The following PTPRE variants were observed in gnomAD, a reference collection of about 807,000 sequenced individuals.
PTPRE encodes the protein protein tyrosine phosphatase receptor type E, also known as receptor-type tyrosine-protein phosphatase epsilon.
In PTPRE, 51 loss-of-function variants were observed where a neutral mutation model predicts 102.0. That is an observed-to-expected ratio of 0.50 (90% CI 0.40 to 0.63). PTPRE has a LOEUF of 0.63. Among genes scored for constraint, PTPRE ranks in the 30% least tolerant of loss-of-function variants. PTPRE has a pLI of 0.00. For missense variants in PTPRE, 752 were observed against 915.1 expected (o/e 0.82, Z 2.30); for synonymous variants, 345 against 348.2 (o/e 0.99, Z 0.10).
intron 19 of PTPRE, 64 bp downstream of exon 19, chr10:128,077,847 C>A (rs1056520248): frequency 1.8e-5 from 27 of 1,515,238 alleles, no homozygotes; most frequent in Admixed American, 5.9e-5. Flanking sequence ...CCAGTACCCG[C>A]AGCTGTGGGC....
At position 127,984,679 on chromosome 10, in the gene PTPRE, G is replaced by A. The variant is rs112313946; in HGVS notation, c.-8+2383G>A. Among the ~76,000 whole-genome samples, 272 of 152,226 alleles carry A rather than the reference G, an allele frequency of 1.8e-3. 2 individuals are homozygous for A. The highest frequency in any genetic ancestry group is 5.4e-3 in the African/African-American group (225 of 41,508). Reference sequence around the variant, plus strand: ...GGGGCGGTTCCCCCATACTGTTCTCGTGGTAGTGAATAAGTCTCACGAGAT... The same window carrying A: ...GGGGCGGTTCCCCCATACTGTTCTCATGGTAGTGAATAAGTCTCACGAGAT... On this transcript the variant is annotated intron_variant, in intron 2 of 20. Transcript: ENST00000254667.
intron 6 of PTPRE, among the ~76,000 whole-genome samples, chr10:128,050,368 G>A (rs1848470628): frequency 6.7e-6 from 1 of 150,022 alleles, no homozygotes; most frequent in African/African-American, 2.5e-5. Flanking sequence ...TGGATGGATG[G>A]ATGGATGGAG....
chr10:127,960,507 C>T (rs1388631221), intron 1 of PTPRE, among the ~76,000 whole-genome samples: 2 of 152,212 alleles, frequency 1.3e-5, no homozygotes, highest in Non-Finnish European at 2.9e-5. Flanking sequence ...TCAGCTCTGG[C>T]AGCCGTGCCT....
chr10:128,003,017 G>A (rs1028124527), intron 2 of PTPRE, among the ~76,000 whole-genome samples: 2 of 152,152 alleles, frequency 1.3e-5, no homozygotes, highest in Admixed American at 6.5e-5. Context: ...TCTTATGGAT[G>A]TTGGGTTTTG....
At chr10:128,062,198 C>T (rs1368594650) in intron 9 of PTPRE, among the ~76,000 whole-genome samples, 5 of 152,164 alleles carry the variant, frequency 3.3e-5, no homozygotes, top group Admixed American at 2.6e-4. Flanking sequence ...ACCTGGTGTA[C>T]GTGCGGTTAG....
chr10:127,980,338 C>CTTTTTTTTTTTTTTTTTTTT (rs11336623), intron 1 of PTPRE, among the ~76,000 whole-genome samples: 1 of 143,974 alleles, frequency 6.9e-6, no homozygotes, highest in Non-Finnish European at 1.5e-5. Flanking sequence ...TATACAAATC[C>CTTTTTTTTTTTTTTTTTTTT]TTTTTTTTTT....
At chr10:128,012,357 T>C (rs1034664247) in intron 2 of PTPRE, among the ~76,000 whole-genome samples, 3 of 152,168 alleles carry the variant, frequency 2.0e-5, no homozygotes, top group African/African-American at 7.2e-5. Flanking sequence ...TCCTGGCCAA[T>C]AAACCAAACT....
chr10:127,997,965 C>T (rs968770294), intron 2 of PTPRE, among the ~76,000 whole-genome samples: 9 of 152,144 alleles, frequency 5.9e-5, no homozygotes, highest in African/African-American at 1.9e-4. Flanking sequence ...GCTAAGAGTT[C>T]GATTCACTAA....
intron 10 of PTPRE, 65 bp downstream of exon 10, chr10:128,063,245 T>A (rs1021931817): frequency 1.3e-6 from 2 of 1,582,096 alleles, no homozygotes; most frequent in African/African-American, 2.7e-5. Context: ...GCTGGGGATG[T>A]TCTTACCACT....
At chr10:128,058,484 G>A (rs996782221) in intron 7 of PTPRE, among the ~76,000 whole-genome samples, 1 of 152,198 alleles carries the variant, frequency 6.6e-6, no homozygotes, top group Non-Finnish European at 1.5e-5. Context: ...GCAGCTGCCC[G>A]GGACTGGGGG....
At chr10:128,067,985 G>A in intron 11 of PTPRE, 138 bp from the exon 12 acceptor site, 2 of 956,514 alleles carry the variant, frequency 2.1e-6, no homozygotes, top group Non-Finnish European at 3.1e-6. Context: ...TCTGGCTCAG[G>A]CAGGCCCTCT....
At chr10:128,040,047 C>A (rs776588507) in intron 2 of PTPRE, among the ~76,000 whole-genome samples, 1 of 152,146 alleles carries the variant, frequency 6.6e-6, no homozygotes, top group African/African-American at 2.4e-5. Flanking sequence ...TCTGGGTCTG[C>A]CCCTGGGCAT....
chr10:128,069,484 A>C lies in PTPRE; in HGVS notation c.1008-208A>C, dbSNP rs867798267. 49 of 613,294 alleles carry C rather than the reference A, an allele frequency of 8.0e-5. 1 individual carries two copies. The Middle Eastern group carries it at 1.8e-3, about 22-fold the overall frequency. 38.0% of individuals were successfully genotyped at this position (613,294 alleles called of 1,614,324 possible). ...CAGCTGTTAATGTGCCTCTTAGTAG[A>C]GTGTCGGTGGCTATCAGAGGACCGG... On this transcript the variant is annotated intron_variant, in intron 12 of 20. Transcript: ENST00000254667.
In PTPRE at chr10:127,907,221, G is replaced by GGGCGCCCCGGAGGGCGGCGGGCA. The variant is rs1477583431; in HGVS notation, c.-111_-89dup. 4 of 981,292 alleles carry GGGCGCCCCGGAGGGCGGCGGGCA rather than the reference G, an allele frequency of 4.1e-6. No individual in the cohort carries two copies. In the African/African-American group the frequency reaches 7.0e-5, roughly 17 times the overall value. 60.8% of individuals were successfully genotyped at this position (981,292 alleles called of 1,614,324 possible). A position where few individuals can be genotyped will look rare whatever the true frequency, so the allele number is the denominator to read the frequency against. ...TTCTTCGCGCCCGGCGAAGACAGCC[G>GGGCGCCCCGGAGGGCGGCGGGCA]GGCGCCCCGGAGGGCGGCGGGCAGG... On this transcript the variant is annotated 5_prime_UTR_variant, in exon 1 of 21. Transcript: ENST00000254667. The surrounding 1 kb of genome is among the most constrained non-coding windows in gnomAD (Gnocchi z 4.8).
At chr10:127,980,524 G>A (rs916316901) in intron 1 of PTPRE, among the ~76,000 whole-genome samples, 12 of 151,894 alleles carry the variant, frequency 7.9e-5, no homozygotes, top group African/African-American at 2.9e-4. Context: ...TATTGCATTG[G>A]CTATGATTTC....
At position 128,031,216 on chromosome 10, in the gene PTPRE, C is replaced by T. The variant is rs190761852; in HGVS notation, c.-7-9659C>T. On this transcript the variant is annotated intron_variant, in intron 2 of 20. Transcript: ENST00000254667. The stretch of plus-strand genomic sequence containing the variant: ...TTGAAATCAAAAGTGTAGCGTAAAC[C>T]TACCCACAGAAGTTTAGTCCAGTCA... 2.0e-5 allele frequency among the ~76,000 whole-genome samples: 3 copies of T among 152,372 alleles called. No individual in the cohort carries two copies. The East Asian group carries it at 5.8e-4, about 29-fold the overall frequency.
At chr10:127,989,922 TCATTCGCTCA>T (rs1852463182) in intron 2 of PTPRE, among the ~76,000 whole-genome samples, 1 of 152,222 alleles carries the variant, frequency 6.6e-6, no homozygotes, top group Admixed American at 6.5e-5. Context: ...AGTAATTTGT[TCATTCGCTCA>T]CTGAGGGTTT....
In PTPRE at chr10:127,909,155, G is replaced by A. The variant is rs375514070; in HGVS notation, c.-31+1846G>A. On this transcript the variant is annotated intron_variant, in intron 1 of 20. Transcript: ENST00000254667. ...AGCCTGGAGGAGGTCCTGAAGCACT[G>A]TGCCCTGATGGGAGCCCCCTCTTCT... 2.6e-5 allele frequency among the ~76,000 whole-genome samples: 4 copies of A among 152,314 alleles called. No individual in the cohort carries two copies. The East Asian group carries it at 7.7e-4, about 29-fold the overall frequency.
At chr10:127,943,071 C>T (rs1449006089) in intron 1 of PTPRE, among the ~76,000 whole-genome samples, 1 of 152,114 alleles carries the variant, frequency 6.6e-6, no homozygotes, top group Non-Finnish European at 1.5e-5. Context: ...TTATTCTTCT[C>T]TTCCCAGCTC....
Sources: allele counts gnomAD v4.1 joint callset (sites outside exome capture counted in the v4.1 genomes callset), GRCh38; gene constraint gnomAD v4.1.1; non-coding constraint Gnocchi (gnomAD v3.1); transcripts MANE v1.5; gene names NCBI Gene and HGNC (gene_info 2026-07-23, HGNC 2026-07-21).